Variants in WDFY4 observed in about 807,000 individuals in gnomAD.
WDFY4 encodes the protein WD repeat- and FYVE domain-containing protein 4.
WDFY4 carries 169 observed loss-of-function variants against 351.9 expected under a neutral mutation model. The observed-to-expected ratio is 0.48, with a 90% CI of 0.42 to 0.55. The LOEUF is 0.55. Among genes scored for constraint, WDFY4 ranks in the 20% least tolerant of loss-of-function variants. The pLI, the probability that WDFY4 is intolerant of heterozygous loss-of-function variation, is 0.00. For missense variants in WDFY4, 3,803 were observed against 3,935.6 expected, an observed-to-expected ratio of 0.97 and a Z score of 0.90; for synonymous variants, 1,622 against 1,574.6, an observed-to-expected ratio of 1.03 and a Z score of -0.71.
intron 21 of WDFY4, among the ~76,000 whole-genome samples, chr10:48,789,409 G>A (rs1024811967): frequency 2.6e-5 from 4 of 152,204 alleles, no homozygotes; most frequent in Admixed American, 2.0e-4. Flanking sequence ...GATCATGAAA[G>A]TTGTGGCTTA....
intron 1 of WDFY4, among the ~76,000 whole-genome samples, chr10:48,690,522 G>A (rs1040048521): frequency 3.9e-5 from 6 of 152,144 alleles, no homozygotes; most frequent in African/African-American, 1.2e-4. Flanking sequence ...TTTATTAAGT[G>A]TTAGAACAGC....
rs750988967 is a variant in WDFY4 at position 48,814,042 on chromosome 10, C to T, written c.5300C>T (p.Ala1767Val). 4.5e-6 allele frequency: 7 copies of T among 1,549,744 alleles called. No individual in the cohort carries two copies. The highest frequency in any genetic ancestry group is 4.1e-5 in the African/African-American group (3 of 73,002). The change falls in exon 31 of 62, where the codon GCC becomes GTC. Residue 1767 changes from alanine (A) to valine (V), a missense_variant. Coordinates refer to ENST00000325239, the MANE Select transcript of WDFY4 (RefSeq NM_001394531.1). ...VLQAGLCTEG[A>V]LLLLEMLKAT... is the part of the protein sequence containing the mutation. ...CAGGCTGGGCTGTGCACAGAAGGTG[C>T]CTTGCTCCTCCTGGAAATGCTGAAG...
At chr10:48,910,769 G>T in intron 47 of WDFY4, 1 of 217,880 alleles carries the variant, frequency 4.6e-6, no homozygotes, top group Non-Finnish European at 7.8e-6. Context: ...GCTGGAGTGA[G>T]TGTCAGGCCA....
chr10:48,796,969 G>T (rs890923502), intron 24 of WDFY4, among the ~76,000 whole-genome samples: 1 of 152,110 alleles, frequency 6.6e-6, no homozygotes. Flanking sequence ...TCTGGGTCAG[G>T]TACTGGCCAT....
At chr10:48,834,866 C>T (rs572098959) in intron 39 of WDFY4, among the ~76,000 whole-genome samples, 3 of 152,322 alleles carry the variant, frequency 2.0e-5, no homozygotes, top group South Asian at 4.1e-4. Context: ...TGGGGACATG[C>T]ATTGAGCAAC....
chr10:48,882,076 A>G (rs2070273359), intron 43 of WDFY4, among the ~76,000 whole-genome samples: 1 of 152,224 alleles, frequency 6.6e-6, no homozygotes, highest in South Asian at 2.1e-4. Flanking sequence ...AGGTGAGCTC[A>G]GCCTGACAGG....
At chr10:48,782,567 T>C (rs1233735030) in intron 19 of WDFY4, among the ~76,000 whole-genome samples, 1 of 152,222 alleles carries the variant, frequency 6.6e-6, no homozygotes, top group African/African-American at 2.4e-5. Context: ...AAGCCAAGAC[T>C]GACAGAGTGC....
chr10:48,840,283 G>A (rs974051411), intron 39 of WDFY4, among the ~76,000 whole-genome samples: 1 of 152,084 alleles, frequency 6.6e-6, no homozygotes, highest in Non-Finnish European at 1.5e-5. Context: ...TGGAGGTGGG[G>A]ACACACTGCA....
At chr10:48,750,466 C>T (rs892730146) in intron 12 of WDFY4, among the ~76,000 whole-genome samples, 1 of 152,242 alleles carries the variant, frequency 6.6e-6, no homozygotes, top group African/African-American at 2.4e-5. Context: ...CCTGTCTTCA[C>T]TCTGCCTGGA....
At chr10:48,968,849 G>C in intron 55 of WDFY4, 1 of 547,906 alleles carries the variant, frequency 1.8e-6, no homozygotes. Context: ...CTCCTGCCCC[G>C]GGGCCCGGCT....
intron 39 of WDFY4, among the ~76,000 whole-genome samples, chr10:48,840,922 A>G (rs1589731044): frequency 6.6e-6 from 1 of 152,356 alleles, no homozygotes; most frequent in African/African-American, 2.4e-5. Context: ...AGACATCTTT[A>G]TCTTCATAAT....
At chr10:48,980,241 C>T (rs1004587011) in intron 60 of WDFY4, 1 of 152,178 alleles carries the variant, frequency 6.6e-6, no homozygotes, top group African/African-American at 2.4e-5. Context: ...AAAATATGTG[C>T]AGATTTACAA....
At chr10:48,952,434 C>T (rs1047890540) in intron 51 of WDFY4, among the ~76,000 whole-genome samples, 2 of 152,174 alleles carry the variant, frequency 1.3e-5, no homozygotes, top group South Asian at 2.1e-4. Flanking sequence ...GGATCTCCAA[C>T]ACCGTCTGGT....
At position 48,723,978 on chromosome 10, in the gene WDFY4, G is replaced by A. The variant is rs866912832; in HGVS notation, c.591+411G>A. Reference sequence around the variant, plus strand: ...AGTAAACTTGAGTTTACATGTTCTCGGTGCCTCTTCCTTCCTCTCAGAAGA... The same window carrying A: ...AGTAAACTTGAGTTTACATGTTCTCAGTGCCTCTTCCTTCCTCTCAGAAGA... On this transcript the variant is annotated intron_variant, in intron 5 of 61. Transcript: ENST00000325239. 5.9e-5 allele frequency among the ~76,000 whole-genome samples: 9 copies of A among 152,110 alleles called. No individual in the cohort carries two copies. In the South Asian group the frequency reaches 1.0e-3, roughly 18 times the overall value.
intron 7 of WDFY4, among the ~76,000 whole-genome samples, chr10:48,729,072 A>G (rs928465060): frequency 6.6e-6 from 1 of 152,218 alleles, no homozygotes; most frequent in African/African-American, 2.4e-5. Flanking sequence ...ACTATTTCCC[A>G]CACCATTTTG....
chr10:48,692,234 C>T (rs2063214617), intron 1 of WDFY4, among the ~76,000 whole-genome samples: 1 of 152,234 alleles, frequency 6.6e-6, no homozygotes, highest in Non-Finnish European at 1.5e-5. Context: ...AGGGCACTGC[C>T]CTGCTGTCAG....
intron 47 of WDFY4, among the ~76,000 whole-genome samples, chr10:48,915,678 C>T (rs567215889): frequency 6.6e-6 from 1 of 152,200 alleles, no homozygotes; most frequent in Non-Finnish European, 1.5e-5. Context: ...CTCACACCTA[C>T]TGAAAATCCC....
At chr10:48,847,667 GC>G (rs1275094780) in intron 39 of WDFY4, among the ~76,000 whole-genome samples, 3 of 152,198 alleles carry the variant, frequency 2.0e-5, no homozygotes, top group Non-Finnish European at 4.4e-5. Context: ...GCTCACAGAG[GC>G]CCTGACACCC....
At chr10:48,693,202 G>A (rs960711522) in intron 1 of WDFY4, among the ~76,000 whole-genome samples, 29 of 152,202 alleles carry the variant, frequency 1.9e-4, no homozygotes, top group African/African-American at 3.9e-4. Flanking sequence ...TGGGAGCTGC[G>A]GAGGACGTTT....
Sources: allele counts gnomAD v4.1 joint callset (sites outside exome capture counted in the v4.1 genomes callset), GRCh38; gene constraint gnomAD v4.1.1; transcripts MANE v1.5; gene names NCBI Gene and HGNC (gene_info 2026-07-23, HGNC 2026-07-21).